Variants in DCC observed in about 807,000 individuals in gnomAD.
The protein encoded by DCC is DCC netrin 1 receptor, also known as netrin receptor DCC.
DCC carries 58 observed loss-of-function variants against 172.5 expected under a neutral mutation model. The ratio of observed to expected loss-of-function variants is 0.34; its 90% CI spans 0.27 to 0.42. The LOEUF (loss-of-function observed/expected upper bound fraction) is 0.42. Ranked by LOEUF, DCC falls within the 10% of genes least tolerant of loss-of-function variation. DCC has a pLI of 1.00. For missense variants in DCC, 1,740 were observed against 1,791.0 expected, an observed-to-expected ratio of 0.97 and a Z score of 0.51; for synonymous variants, 709 against 644.5, an observed-to-expected ratio of 1.10 and a Z score of -1.52.
intron 1 of DCC, among the ~76,000 whole-genome samples, chr18:52,362,791 T>TC (rs1471572778): frequency 1.3e-5 from 2 of 151,496 alleles, no homozygotes; most frequent in East Asian, 3.9e-4. Context: ...CCCCCCCCAC[T>TC]CCCCTCCTCC....
At chr18:52,681,065 A>C (rs923318031) in intron 1 of DCC, among the ~76,000 whole-genome samples, 1 of 152,040 alleles carries the variant, frequency 6.6e-6, no homozygotes, top group Admixed American at 6.6e-5. Flanking sequence ...TCTATATCAG[A>C]CTTTATGTTA....
chr18:52,707,191 T>A (rs71367291), intron 1 of DCC, among the ~76,000 whole-genome samples: 14,882 of 152,266 alleles, frequency 0.098, 874 homozygotes, highest in East Asian at 0.24. Context: ...CTCCTTTGAA[T>A]GTTAAACTTG....
At chr18:52,591,376 G>T (rs955924607) in intron 1 of DCC, among the ~76,000 whole-genome samples, 5 of 152,026 alleles carry the variant, frequency 3.3e-5, no homozygotes, top group East Asian at 1.9e-4. Flanking sequence ...TTTGCAAACT[G>T]CTTTTTTTTC....
intron 21 of DCC, among the ~76,000 whole-genome samples, chr18:53,428,587 A>AT (rs1163902493): frequency 3.2e-5 from 1 of 31,346 alleles, no homozygotes; most frequent in African/African-American, 7.4e-5. Context: ...TAAAATATAT[A>AT]TTTTTATATA....
At chr18:52,810,478 A>G (rs2038174925) in intron 2 of DCC, among the ~76,000 whole-genome samples, 1 of 152,186 alleles carries the variant, frequency 6.6e-6, no homozygotes, top group Non-Finnish European at 1.5e-5. Flanking sequence ...TGTGCTGTAT[A>G]TTGAACGGTG....
chr18:53,126,815 A>G (rs1033670550), intron 7 of DCC, among the ~76,000 whole-genome samples: 3 of 152,150 alleles, frequency 2.0e-5, no homozygotes, highest in Non-Finnish European at 4.4e-5. Flanking sequence ...CATAATTCTG[A>G]CACGTAGAAA....
At chr18:52,871,590 G>A (rs2039319201) in intron 2 of DCC, among the ~76,000 whole-genome samples, 1 of 152,088 alleles carries the variant, frequency 6.6e-6, no homozygotes, top group Admixed American at 6.6e-5. Context: ...TCATAGCTGG[G>A]ACTACAGGTG....
intron 1 of DCC, among the ~76,000 whole-genome samples, chr18:52,469,452 C>A (rs1005043851): frequency 1.3e-5 from 2 of 152,050 alleles, no homozygotes; most frequent in African/African-American, 4.8e-5. Context: ...CCATCTTAGC[C>A]TATAGAGAGG....
intron 2 of DCC, among the ~76,000 whole-genome samples, chr18:52,839,397 C>A (rs139773872): frequency 3.4e-3 from 519 of 152,230 alleles, no homozygotes; most frequent in Middle Eastern, 0.01. Context: ...ATCTTTGTCT[C>A]ACTTTGCTCC....
At chr18:53,501,897 A>AATTAC (rs138537259) in intron 27 of DCC, among the ~76,000 whole-genome samples, 8,514 of 147,790 alleles carry the variant, frequency 0.058, 702 homozygotes, top group African/African-American at 0.18. Flanking sequence ...ATTTTCTTCT[A>AATTAC]ATTACATTAA....
At chr18:53,064,578 A>C (rs986261855) in intron 6 of DCC, among the ~76,000 whole-genome samples, 1 of 152,138 alleles carries the variant, frequency 6.6e-6, no homozygotes, top group Admixed American at 6.6e-5. Flanking sequence ...ACTTTCAGAA[A>C]CTTTCATAAT....
chr18:52,962,628 T>A (rs1459578614), intron 5 of DCC, among the ~76,000 whole-genome samples: 8 of 151,910 alleles, frequency 5.3e-5, no homozygotes, highest in Non-Finnish European at 1.0e-4. Flanking sequence ...GGACTATAAA[T>A]CATGCTGCTA....
At chr18:52,887,444 C>A (rs1436484617) in intron 2 of DCC, among the ~76,000 whole-genome samples, 1 of 151,982 alleles carries the variant, frequency 6.6e-6, no homozygotes, top group African/African-American at 2.4e-5. Flanking sequence ...AAAGGTAGTT[C>A]CAGCAAAAGG....
At chr18:52,708,787 C>G (rs539184320) in intron 1 of DCC, among the ~76,000 whole-genome samples, 131 of 152,214 alleles carry the variant, frequency 8.6e-4, no homozygotes, top group African/African-American at 2.9e-3. Flanking sequence ...TGGTAAAATG[C>G]TATGTTGCAA....
chr18:53,091,843 C>A (rs201827991), intron 7 of DCC, among the ~76,000 whole-genome samples: 35 of 64,166 alleles, frequency 5.5e-4, no homozygotes, highest in African/African-American at 2.9e-3. Context: ...ATCTATCTAT[C>A]TATCTATCAA....
intron 12 of DCC, among the ~76,000 whole-genome samples, chr18:53,252,550 T>C (rs540071285): frequency 1.3e-5 from 2 of 151,996 alleles, no homozygotes; most frequent in South Asian, 4.1e-4. Context: ...CTAAAGAAGA[T>C]TCAAACATTC....
intron 1 of DCC, among the ~76,000 whole-genome samples, chr18:52,492,456 C>T (rs80073800): frequency 0.02 from 3,088 of 151,802 alleles, 90 homozygotes; most frequent in African/African-American, 0.069. Flanking sequence ...AGTGAGTGGC[C>T]TTAAATAGAA....
chr18:52,996,831 T>C (rs1247674566), intron 5 of DCC, among the ~76,000 whole-genome samples: 2 of 146,038 alleles, frequency 1.4e-5, no homozygotes, highest in African/African-American at 5.0e-5. Context: ...CATCTCCCTC[T>C]CGCCCTCTTT....
chr18:52,488,405 G>A (rs2030335410), intron 1 of DCC, among the ~76,000 whole-genome samples: 1 of 152,112 alleles, frequency 6.6e-6, no homozygotes, highest in African/African-American at 2.4e-5. Flanking sequence ...TAATGTGCTT[G>A]TGTATACCAT....
Sources: gnomAD v4.1 joint callset for allele counts (sites outside exome capture counted in the v4.1 genomes callset) on GRCh38, gnomAD v4.1.1 for gene constraint, MANE v1.5 for transcripts, NCBI Gene and HGNC (gene_info 2026-07-23, HGNC 2026-07-21) for gene names.